The following DPP10 variants were observed in gnomAD, a reference collection of about 807,000 sequenced individuals.
DPP10 encodes dipeptidyl peptidase like 10, also known as inactive dipeptidyl peptidase 10.
Under a neutral mutation model 120.9 loss-of-function variants are expected in DPP10, and 33 were observed. The observed-to-expected ratio is 0.27, with a 90% CI of 0.21 to 0.37. The LOEUF (loss-of-function observed/expected upper bound fraction) is 0.37, where lower values mean the gene tolerates loss of function less well. Among genes scored for constraint, DPP10 ranks in the 10% least tolerant of loss-of-function variants. The pLI is 1.00. For synonymous variants in DPP10, 337 were observed against 326.1 expected (o/e 1.03, Z -0.36); for missense variants, 816 against 942.8 (o/e 0.87, Z 1.76).
intron 1 of DPP10, among the ~76,000 whole-genome samples, chr2:114,610,266 C>G (rs562572294): frequency 3.3e-5 from 5 of 152,218 alleles, no homozygotes; most frequent in Admixed American, 2.6e-4. Context: ...TAAACCCTGG[C>G]TGGGCATTAG....
At chr2:115,628,262 T>C (rs2085529993) in intron 5 of DPP10, among the ~76,000 whole-genome samples, 1 of 152,174 alleles carries the variant, frequency 6.6e-6, no homozygotes, top group African/African-American at 2.4e-5. Context: ...CGTTTCTCAA[T>C]TGATCAGTGA....
chr2:114,943,542 G>A (rs1697126521), intron 1 of DPP10, among the ~76,000 whole-genome samples: 1 of 152,152 alleles, frequency 6.6e-6, no homozygotes, highest in African/African-American at 2.4e-5. Context: ...AAAGTGTTGG[G>A]ATTACAGGTG....
chr2:115,772,672 G>A (rs909087153), intron 13 of DPP10, among the ~76,000 whole-genome samples: 17 of 151,968 alleles, frequency 1.1e-4, no homozygotes, highest in East Asian at 3.9e-4. Context: ...TCAGATATTC[G>A]CCCCTTTGCC....
chr2:115,665,248 G>A (rs940726349), intron 5 of DPP10, among the ~76,000 whole-genome samples: 6 of 152,162 alleles, frequency 3.9e-5, no homozygotes, highest in African/African-American at 1.4e-4. Flanking sequence ...GTTTTAGCCT[G>A]TAAACCTTTT....
At position 114,827,355 on chromosome 2, in the gene DPP10, C is replaced by G. The variant is rs575502323; in HGVS notation, c.60+384517C>G. 7.2e-5 allele frequency among the ~76,000 whole-genome samples: 11 copies of G among 152,114 alleles called. No individual in the cohort carries two copies. The East Asian group carries it at 1.5e-3, about 21-fold the overall frequency. On this transcript the variant is annotated intron_variant, in intron 1 of 25. Coordinates refer to ENST00000410059, the MANE Select transcript of DPP10 (RefSeq NM_020868.6). ...TCAGTCAATGTTCCAATTATTGAAG[C>G]TCTATGTAGGAGAAAGACAACTGTA... is the stretch of plus-strand genomic sequence containing the variant.
chr2:115,688,154 C>T (rs905613603), intron 5 of DPP10, among the ~76,000 whole-genome samples: 2 of 152,052 alleles, frequency 1.3e-5, no homozygotes, highest in Non-Finnish European at 2.9e-5. Context: ...TTATAGAACA[C>T]AAAGTAAATG....
At chr2:115,311,755 C>CATTT (rs573364859) in intron 2 of DPP10, among the ~76,000 whole-genome samples, 40 of 152,048 alleles carry the variant, frequency 2.6e-4, no homozygotes, top group African/African-American at 8.2e-4. Context: ...ATAGAAGTGG[C>CATTT]ATTTATTTAT....
intron 3 of DPP10, among the ~76,000 whole-genome samples, chr2:115,358,721 A>G (rs1480601827): frequency 6.6e-6 from 1 of 152,184 alleles, no homozygotes; most frequent in African/African-American, 2.4e-5. Flanking sequence ...TGAGTAATTT[A>G]TAAAGAAAAG....
chr2:115,350,812 A>G (rs997510843), intron 3 of DPP10, among the ~76,000 whole-genome samples: 7 of 152,070 alleles, frequency 4.6e-5, no homozygotes, highest in Non-Finnish European at 2.9e-5. Flanking sequence ...CAATTTATCT[A>G]TATTACAAAC....
At chr2:115,756,880 TGA>T (rs1679476568) in intron 11 of DPP10, among the ~76,000 whole-genome samples, 1 of 151,568 alleles carries the variant, frequency 6.6e-6, no homozygotes, top group South Asian at 2.1e-4. Context: ...AAAGAGAGGG[TGA>T]GAGAGAGAGA....
chr2:115,208,062 A>G (rs750442030), intron 1 of DPP10, among the ~76,000 whole-genome samples: 2 of 152,226 alleles, frequency 1.3e-5, no homozygotes, highest in East Asian at 1.9e-4. Flanking sequence ...ATCTAAGCCC[A>G]TTGTCCAAGA....
rs763089343 is a variant in DPP10, at chr2:115,098,713, G to A, written c.61-210526G>A. On this transcript the variant is annotated intron_variant, in intron 1 of 25. Transcript: ENST00000410059. Reference sequence around the variant, plus strand: ...GGAATCAGCTCCTCTAGAATCCCTGGAAAAACACAAAAAGGACAGTAAATG... The same window carrying A: ...GGAATCAGCTCCTCTAGAATCCCTGAAAAAACACAAAAAGGACAGTAAATG... Among the ~76,000 whole-genome samples the A allele has an allele frequency of 1.7e-4, 26 of 152,142 alleles. No individual in the cohort carries two copies. In the South Asian group the frequency reaches 3.7e-3, roughly 22 times the overall value.
chr2:115,514,827 T>A (rs1019741308), intron 4 of DPP10, among the ~76,000 whole-genome samples: 1 of 151,842 alleles, frequency 6.6e-6, no homozygotes, highest in African/African-American at 2.4e-5. Context: ...TCCCCCTTCA[T>A]AACTCAGTAC....
intron 1 of DPP10, among the ~76,000 whole-genome samples, chr2:114,755,505 T>G (rs548227729): frequency 6.6e-6 from 1 of 152,324 alleles, no homozygotes; most frequent in African/African-American, 2.4e-5. Context: ...TGAACTTCTG[T>G]TTTAGGTACT....
chr2:115,494,584 A>G (rs934079915), intron 3 of DPP10, among the ~76,000 whole-genome samples: 1 of 152,182 alleles, frequency 6.6e-6, no homozygotes, highest in Non-Finnish European at 1.5e-5. Context: ...TTCTAGATTT[A>G]CCATTGATAT....
In DPP10 at chr2:115,385,894, A is replaced by T. The variant is rs1467650935; in HGVS notation, c.271+41982A>T. ...TCTTTCCACTCCTACATAAGGTATG[A>T]TATACATTTTCCTCTTTGGTAAACA... is the stretch of plus-strand genomic sequence containing the variant. On this transcript the variant is annotated intron_variant, in intron 3 of 25. Transcript: ENST00000410059. 2.0e-5 allele frequency among the ~76,000 whole-genome samples: 3 copies of T among 152,172 alleles called. No homozygotes were observed. In the East Asian group the frequency reaches 5.8e-4, roughly 29 times the overall value.
At chr2:114,650,621 T>C (rs1353616576) in intron 1 of DPP10, among the ~76,000 whole-genome samples, 1 of 152,126 alleles carries the variant, frequency 6.6e-6, no homozygotes, top group African/African-American at 2.4e-5. Flanking sequence ...GAAAAGGAAT[T>C]AGAAAGATAA....
chr2:115,156,818 C>A (rs2051946786), intron 1 of DPP10, among the ~76,000 whole-genome samples: 1 of 152,150 alleles, frequency 6.6e-6, no homozygotes, highest in Non-Finnish European at 1.5e-5. Context: ...CTAAATACTC[C>A]TCCATACATA....
chr2:115,330,351 T>C (rs928107653), intron 2 of DPP10, among the ~76,000 whole-genome samples: 5 of 151,854 alleles, frequency 3.3e-5, no homozygotes, highest in Admixed American at 2.0e-4. Context: ...GTCAGATGAG[T>C]AGATTGCAAA....
Sources: gnomAD v4.1 joint callset for allele counts (sites outside exome capture counted in the v4.1 genomes callset) on GRCh38, gnomAD v4.1.1 for gene constraint, MANE v1.5 for transcripts, NCBI Gene and HGNC (gene_info 2026-07-23, HGNC 2026-07-21) for gene names.